TRNP1: variants seen among roughly 807,000 people sequenced by gnomAD.
The protein encoded by TRNP1 is TMF1 regulated nuclear protein 1, also known as TMF-regulated nuclear protein 1.
A neutral mutation model predicts 12.2 loss-of-function variants in TRNP1; 16 were observed. The observed-to-expected ratio is 1.31, with a 90% CI of 0.89 to 1.99. TRNP1 has a LOEUF of 1.99. Ranked by LOEUF, TRNP1 falls within the 30% of genes most tolerant of loss-of-function variation. The pLI is 0.00. For synonymous variants in TRNP1, 139 were observed against 166.2 expected (o/e 0.84, Z 1.26); for missense variants, 338 against 330.4 (o/e 1.02, Z -0.18).
chr1:26,998,061 C>T lies in TRNP1; in HGVS notation c.*143-1786C>T, dbSNP rs1232109261. ...TAGAGGCCAGAGCTGTGCCCATCAC[C>T]GGCTCCCTAGGGGCGGGAACCCTCT... On this transcript the variant is annotated intron_variant, in intron 1 of 1. Coordinates refer to ENST00000522111, the MANE Select transcript of TRNP1 (RefSeq NM_001013642.3). Among the ~76,000 whole-genome samples, 5 of 152,164 alleles carry T rather than the reference C, an allele frequency of 3.3e-5. No homozygotes were observed. The South Asian group carries it at 6.2e-4, about 19-fold the overall frequency.
chr1:26,997,190 T>C (rs1179486810), intron 1 of TRNP1, among the ~76,000 whole-genome samples: 2 of 151,706 alleles, frequency 1.3e-5, no homozygotes, highest in Non-Finnish European at 2.9e-5. Context: ...TAACAAAAAT[T>C]AGCTGGGCGT....
Position 26,993,998 on chromosome 1 carries a change from A to T in TRNP1, c.212A>T (p.Gln71Leu). The change falls in exon 1 of 2, where the codon CAG becomes CTG. Residue 71 changes from glutamine (Q) to leucine (L), a missense_variant. By Grantham distance (113) the Gln-to-Leu change is moderately radical. Transcript: ENST00000522111. ...GGCGCGGCCGAGGACCAGGAGCTGC[A>T]GCGCTGGCGCCAGGGCGCTAGCGGG... ...SAGAAEDQEL[Q>L]RWRQGASGIA... 1 of 1,291,024 alleles carries T rather than the reference A, an allele frequency of 7.7e-7. No individual in the cohort carries two copies. Among genetic ancestry groups the T allele is most frequent in the Non-Finnish European group, 9.8e-7 (1 of 1,021,324 alleles). The allele number at this position is 1,291,024 out of a possible 1,614,324, so 80.0% of individuals were successfully genotyped here. A position where few individuals can be genotyped will look rare whatever the true frequency, so the allele number is the denominator to read the frequency against.
chr1:26,994,086 G>C lies in TRNP1; in HGVS notation c.300G>C (p.Ala100=). ...SGAAAGAGGR[A]LELAEARRRL... ...CGGCTGCGGGGGCGGGGGGCCGCGC[G>C]CTGGAGCTGGCCGAAGCACGGCGGC... The change falls in exon 1 of 2, where the codon GCG becomes GCC. Residue 100 remains alanine (A), a synonymous_variant. Coordinates refer to ENST00000522111, the MANE Select transcript of TRNP1 (RefSeq NM_001013642.3). This position sits in a 1 kb window ranked among gnomAD's most constrained non-coding sequence, Gnocchi z 6.9. 1.6e-6 allele frequency: 2 copies of C among 1,217,120 alleles called. No individual in the cohort carries two copies. Among genetic ancestry groups the C allele is most frequent in the Non-Finnish European group, 2.0e-6 (2 of 979,972 alleles). The allele number at this position is 1,217,120 out of a possible 1,614,324, so 75.4% of individuals were successfully genotyped here. A position where few individuals can be genotyped will look rare whatever the true frequency, so the allele number is the denominator to read the frequency against.
rs1457743606 is a variant in TRNP1 at position 26,993,749 on chromosome 1, C to T, written c.-38C>T. 10 of 1,283,960 alleles carry T rather than the reference C, an allele frequency of 7.8e-6. No individual in the cohort carries two copies. Among genetic ancestry groups the T allele is most frequent in the African/African-American group, 1.6e-5 (1 of 63,564 alleles). The allele number at this position is 1,283,960 out of a possible 1,614,324, so 79.5% of individuals were successfully genotyped here. A position where few individuals can be genotyped will look rare whatever the true frequency, so the allele number is the denominator to read the frequency against. On this transcript the variant is annotated 5_prime_UTR_variant, in exon 1 of 2. Coordinates refer to ENST00000522111, the MANE Select transcript of TRNP1 (RefSeq NM_001013642.3). ...GGGTGTGCTGTGGTCATCCTCCCTG[C>T]GCACCTACAGCCGCAGACCGCCGGT...
intron 1 of TRNP1, among the ~76,000 whole-genome samples, chr1:26,999,066 C>G (rs2082559959): frequency 6.6e-6 from 1 of 152,134 alleles, no homozygotes; most frequent in African/African-American, 2.4e-5. Flanking sequence ...CCTGGCTGGG[C>G]CCTGGGGGTG....
rs2082566235 is a variant in TRNP1, at chr1:27,000,311, T to C, written c.*607T>C. ...GTCTAACGGCGCCGGGAGGCCTGTTTGAGGGAAAACATTAGTTTGAAAAAT... is the reference window on the plus strand; with the variant it reads ...GTCTAACGGCGCCGGGAGGCCTGTTCGAGGGAAAACATTAGTTTGAAAAAT... On this transcript the variant is annotated 3_prime_UTR_variant, in exon 2 of 2. Coordinates refer to ENST00000522111, the MANE Select transcript of TRNP1 (RefSeq NM_001013642.3). The C allele has an allele frequency of 6.6e-6, 1 of 152,188 alleles. No homozygotes were observed. The allele number at this position is 152,188 out of a possible 1,614,324, so 9.4% of individuals were successfully genotyped here.
At chr1:26,996,545 G>A (rs2082546134) in intron 1 of TRNP1, among the ~76,000 whole-genome samples, 1 of 152,208 alleles carries the variant, frequency 6.6e-6, no homozygotes, top group Non-Finnish European at 1.5e-5. Flanking sequence ...TTGGGGTCTA[G>A]AGGCTTAGAG....
At chr1:26,998,383 C>T (rs934886798) in intron 1 of TRNP1, among the ~76,000 whole-genome samples, 1 of 152,160 alleles carries the variant, frequency 6.6e-6, no homozygotes, top group African/African-American at 2.4e-5. Flanking sequence ...AGATTTGTTA[C>T]ACTAATTGAT....
intron 1 of TRNP1, among the ~76,000 whole-genome samples, chr1:26,995,083 C>T (rs2082539096): frequency 3.9e-5 from 6 of 152,234 alleles, no homozygotes; most frequent in Admixed American, 3.9e-4. Flanking sequence ...CCTGTTTCAC[C>T]TTTGGGGAGA....
chr1:26,993,720 G>T lies in TRNP1; in HGVS notation c.-67G>T, dbSNP rs1443484257. 22 of 1,249,336 alleles carry T rather than the reference G, an allele frequency of 1.8e-5. No individual in the cohort carries two copies. The highest frequency in any genetic ancestry group is 2.2e-5 in the Non-Finnish European group (22 of 997,444). 77.4% of individuals were successfully genotyped at this position (1,249,336 alleles called of 1,614,324 possible). A position where few individuals can be genotyped will look rare whatever the true frequency, so the allele number is the denominator to read the frequency against. On this transcript the variant is annotated 5_prime_UTR_variant, in exon 1 of 2. Transcript: ENST00000522111. The stretch of plus-strand genomic sequence containing the variant: ...GTGGGGGCTGTGGCCGTGTCTAGCT[G>T]TTCGGGTGTGCTGTGGTCATCCTCC...
At chr1:26,998,610 T>C (rs1369518846) in intron 1 of TRNP1, among the ~76,000 whole-genome samples, 1 of 152,000 alleles carries the variant, frequency 6.6e-6, no homozygotes, top group African/African-American at 2.4e-5. Context: ...AGCCTGGAGA[T>C]CCCCAACCTA....
intron 1 of TRNP1, 136 bp from the exon 2 acceptor site, chr1:26,999,711 C>G (rs2082563110): frequency 6.6e-6 from 1 of 152,282 alleles, no homozygotes; most frequent in South Asian, 2.1e-4. Flanking sequence ...GAGTCCCATT[C>G]CATACTATTG....
In TRNP1 at chr1:26,994,331, C is replaced by T; in HGVS notation, c.545C>T (p.Pro182Leu). The T allele has an allele frequency of 9.1e-7, 1 of 1,102,392 alleles. No homozygotes were observed. Among genetic ancestry groups the T allele is most frequent in the Admixed American group, 5.1e-5 (1 of 19,480 alleles). The allele number at this position is 1,102,392 out of a possible 1,614,324, so 68.3% of individuals were successfully genotyped here. A position where few individuals can be genotyped will look rare whatever the true frequency, so the allele number is the denominator to read the frequency against. Reference protein sequence around the residue: ...GPRRGRRGRPPALLASALGLG... With the variant: ...GPRRGRRGRPLALLASALGLG... ...CGCCGCGGCCGCCGCGGCCGACCCC[C>T]CGCGCTGCTGGCCTCGGCGCTGGGC... The change falls in exon 1 of 2, where the codon CCC (proline) becomes CTC (leucine). Residue 182 changes from proline (P) to leucine (L), a missense_variant. Transcript: ENST00000522111. The surrounding 1 kb of genome is among the most constrained non-coding windows in gnomAD (Gnocchi z 6.9).
Position 26,994,264 on chromosome 1 carries a change from C to T in TRNP1, c.478C>T (p.Leu160Phe), listed in dbSNP as rs2082533645. ...GAGCGGCGGCGTGGCGCAGGCCGAGCTCTACCTGGCGGCTCACGGGTCGCG... is the reference window on the plus strand; with the variant it reads ...GAGCGGCGGCGTGGCGCAGGCCGAGTTCTACCTGGCGGCTCACGGGTCGCG... ...RLSGGVAQAELYLAAHGSRLK... is the reference protein window; with the variant it reads ...RLSGGVAQAEFYLAAHGSRLK... The change falls in exon 1 of 2, where the codon CTC (leucine) becomes TTC (phenylalanine). Residue 160 changes from leucine to phenylalanine, a missense_variant. By Grantham distance (22) the Leu-to-Phe change is conservative. Transcript: ENST00000522111. This position sits in a 1 kb window ranked among gnomAD's most constrained non-coding sequence, Gnocchi z 6.9. 44 of 1,193,058 alleles carry T rather than the reference C, an allele frequency of 3.7e-5. No homozygotes were observed. Among genetic ancestry groups the T allele is most frequent in the Non-Finnish European group, 4.5e-5 (43 of 961,970 alleles). The allele number at this position is 1,193,058 out of a possible 1,614,324, so 73.9% of individuals were successfully genotyped here.
rs1207134914 is a variant in TRNP1 at position 26,994,599 on chromosome 1, T to C, written c.*129T>C. On this transcript the variant is annotated 3_prime_UTR_variant, in exon 1 of 2. Coordinates refer to ENST00000522111, the MANE Select transcript of TRNP1 (RefSeq NM_001013642.3). This position sits in a 1 kb window ranked among gnomAD's most constrained non-coding sequence, Gnocchi z 6.9. ...AGGCAGTTGGGGGCCAGGGGCCCAG[T>C]AGAGGAGGCTGAGGTGCGGTCTTAG... is the stretch of plus-strand genomic sequence containing the variant. 5.9e-6 allele frequency: 4 copies of C among 680,350 alleles called. No homozygotes were observed. Among genetic ancestry groups the C allele is most frequent in the Non-Finnish European group, 3.7e-6 (2 of 537,814 alleles). 42.1% of individuals were successfully genotyped at this position (680,350 alleles called of 1,614,324 possible).
intron 1 of TRNP1, among the ~76,000 whole-genome samples, chr1:26,998,341 A>C (rs1171816939): frequency 3.3e-5 from 5 of 152,212 alleles, no homozygotes; most frequent in Non-Finnish European, 7.3e-5. Flanking sequence ...GGTCACTATC[A>C]GGATAAAAGA....
intron 1 of TRNP1, among the ~76,000 whole-genome samples, chr1:26,997,804 G>A (rs145711397): frequency 8.1e-4 from 123 of 152,282 alleles, no homozygotes; most frequent in African/African-American, 2.4e-3. Context: ...CCATGTGAGC[G>A]TTGCCACCAG....
rs2082532954 is a variant in TRNP1, at chr1:26,994,167, G to A, written c.381G>A (p.Val127=). ...RRLVSELESR[V]LQLHRVFLAA... ...TGGTGTCGGAGCTGGAGAGCCGCGT[G>A]CTGCAGCTGCACCGCGTTTTCTTGG... Residue 127 remains valine (V), a synonymous_variant, in exon 1 of 2, where the codon GTG becomes GTA. Transcript: ENST00000522111. This position sits in a 1 kb window ranked among gnomAD's most constrained non-coding sequence, Gnocchi z 6.9. 6 of 1,294,758 alleles carry A rather than the reference G, an allele frequency of 4.6e-6. No individual in the cohort carries two copies. Among genetic ancestry groups the A allele is most frequent in the Non-Finnish European group, 5.9e-6 (6 of 1,016,554 alleles). The allele number at this position is 1,294,758 out of a possible 1,614,324, so 80.2% of individuals were successfully genotyped here. A position where few individuals can be genotyped will look rare whatever the true frequency, so the allele number is the denominator to read the frequency against.
intron 1 of TRNP1, among the ~76,000 whole-genome samples, chr1:26,997,318 GAAAAAA>G (rs3028529): frequency 3.3e-4 from 27 of 81,872 alleles, no homozygotes; most frequent in Non-Finnish European, 4.9e-4. Flanking sequence ...TGTGTCTCAA[GAAAAAA>G]AAAAAAAAAA....
Sources: allele counts gnomAD v4.1 joint callset (sites outside exome capture counted in the v4.1 genomes callset), GRCh38; gene constraint gnomAD v4.1.1; non-coding constraint Gnocchi (gnomAD v3.1); transcripts MANE v1.5; gene names NCBI Gene and HGNC (gene_info 2026-07-23, HGNC 2026-07-21).